ADGRB3: variants seen among roughly 807,000 people sequenced by gnomAD.
ADGRB3 encodes the protein brain-specific angiogenesis inhibitor 3.
ADGRB3 carries 37 observed loss-of-function variants against 193.4 expected under a neutral mutation model. The ratio of observed to expected loss-of-function variants is 0.19; its 90% CI spans 0.15 to 0.25. ADGRB3 has a LOEUF of 0.25. Among genes scored for constraint, ADGRB3 ranks in the 10% least tolerant of loss-of-function variants. The pLI is 1.00. For missense variants in ADGRB3, 1,637 were observed against 1,852.9 expected (o/e 0.88, Z 2.14); for synonymous variants, 690 against 644.2 (o/e 1.07, Z -1.08).
In ADGRB3 at chr6:68,908,721, C is replaced by T. The variant is rs566007565; in HGVS notation, c.758-21838C>T. On this transcript the variant is annotated intron_variant, in intron 3 of 31. Coordinates refer to ENST00000370598, the MANE Select transcript of ADGRB3 (RefSeq NM_001704.3). ...AAAACAAAGCCCTTGTTGTGACTTC[C>T]GTATTGCTATATAATTTCTATTATT... Among the ~76,000 whole-genome samples the T allele has an allele frequency of 5.9e-5, 9 of 152,116 alleles. No homozygotes were observed. The East Asian group carries it at 9.7e-4, about 16-fold the overall frequency.
At chr6:69,220,391 TA>T (rs1186743197) in intron 17 of ADGRB3, among the ~76,000 whole-genome samples, 1 of 152,158 alleles carries the variant, frequency 6.6e-6, no homozygotes, top group Non-Finnish European at 1.5e-5. Context: ...GGTCAGTTAC[TA>T]AAAATTAGCC....
intron 3 of ADGRB3, among the ~76,000 whole-genome samples, chr6:68,785,219 A>T (rs947551931): frequency 5.9e-5 from 9 of 151,950 alleles, no homozygotes; most frequent in Admixed American, 2.0e-4. Context: ...GGTTTGTTAC[A>T]TATGTATGCA....
intron 17 of ADGRB3, among the ~76,000 whole-genome samples, chr6:69,083,755 A>G (rs1007330696): frequency 6.8e-6 from 1 of 147,702 alleles, no homozygotes; most frequent in Non-Finnish European, 1.5e-5. Flanking sequence ...TTCATGAGCC[A>G]CCTAATTAAC....
chr6:69,009,376 T>C (rs1769866623), intron 11 of ADGRB3, among the ~76,000 whole-genome samples: 1 of 151,946 alleles, frequency 6.6e-6, no homozygotes, highest in Non-Finnish European at 1.5e-5. Context: ...TAAAGGATAA[T>C]AAAAGGTTGT....
chr6:69,376,282 T>C (rs533224795), intron 30 of ADGRB3, among the ~76,000 whole-genome samples: 4 of 151,682 alleles, frequency 2.6e-5, no homozygotes, highest in African/African-American at 9.7e-5. Flanking sequence ...GTTTTTTGTA[T>C]AGATGGGGTC....
rs1167142377 is a variant in ADGRB3 at position 69,149,924 on chromosome 6, C to CTGTGTGTG, written c.2480+73930_2480+73937dup. On this transcript the variant is annotated intron_variant, in intron 17 of 31. Transcript: ENST00000370598. ...TTTATCTCTCTCTCTGTCTGTCTTT[C>CTGTGTGTG]TGTGTGTGTGTGTGTGTGTGTGTGT... 5.6e-3 allele frequency among the ~76,000 whole-genome samples: 719 copies of CTGTGTGTG among 128,932 alleles called. 7 individuals are homozygous for CTGTGTGTG. The highest frequency in any genetic ancestry group is 0.011 in the African/African-American group (381 of 33,246). 84.6% of individuals were successfully genotyped at this position (128,932 alleles called of 152,430 possible).
At chr6:68,926,838 A>G (rs1767195845) in intron 3 of ADGRB3, among the ~76,000 whole-genome samples, 1 of 152,206 alleles carries the variant, frequency 6.6e-6, no homozygotes, top group South Asian at 2.1e-4. Context: ...TTGACTATCA[A>G]AAGTCAAATT....
rs1488523279 is a variant in ADGRB3 at position 68,635,799 on chromosome 6, C to G, written c.-389C>G. 1 of 153,016 alleles carries G rather than the reference C, an allele frequency of 6.5e-6. No individual in the cohort carries two copies. The highest frequency in any genetic ancestry group is 2.4e-5 in the African/African-American group (1 of 41,296). The allele number at this position is 153,016 out of a possible 1,614,324, so 9.5% of individuals were successfully genotyped here. ...GCTTTTTTTTCCTCTCTCTCATCGA[C>G]CCCCCTTTGGTTCCCACCCCCCACC... On this transcript the variant is annotated 5_prime_UTR_variant, in exon 1 of 32. Transcript: ENST00000370598.
At chr6:69,233,212 A>C in intron 17 of ADGRB3, 78 bp from the exon 18 acceptor site, 2 of 1,556,724 alleles carry the variant, frequency 1.3e-6, no homozygotes, top group Non-Finnish European at 1.7e-6. Context: ...CTCTCAATTA[A>C]ACTGCATTTT....
chr6:68,956,314 T>C (rs1231620429), intron 7 of ADGRB3, 126 bp downstream of exon 7: 9 of 991,548 alleles, frequency 9.1e-6, no homozygotes, highest in Non-Finnish European at 1.3e-5. Flanking sequence ...TGTGTGTGTG[T>C]GTGTGTGTGT....
intron 17 of ADGRB3, among the ~76,000 whole-genome samples, chr6:69,165,552 T>A (rs1308190110): frequency 2.6e-5 from 4 of 152,044 alleles, no homozygotes; most frequent in Non-Finnish European, 5.9e-5. Context: ...TGAATCTTAA[T>A]CAGCCTTCAA....
chr6:68,908,193 C>A (rs1766600975), intron 3 of ADGRB3, among the ~76,000 whole-genome samples: 1 of 151,966 alleles, frequency 6.6e-6, no homozygotes, highest in South Asian at 2.1e-4. Context: ...TTCTGCTACT[C>A]TCAAAAAGAA....
intron 31 of ADGRB3, 47 bp from the exon 32 acceptor site, chr6:69,388,631 TTCCTGGAAACTTCAACTAGCGGTGA>T (rs1770124391): frequency 2.1e-6 from 3 of 1,421,698 alleles, no homozygotes; most frequent in South Asian, 2.7e-5. Context: ...ACACGCTCTC[TTCCTGGAAACTTCAACTAGCGGTGA>T]TCCTGGTCAT....
intron 11 of ADGRB3, among the ~76,000 whole-genome samples, chr6:69,003,800 C>T (rs1214053030): frequency 1.3e-5 from 2 of 152,044 alleles, no homozygotes; most frequent in Non-Finnish European, 2.9e-5. Context: ...CTACCGTGAA[C>T]GAATCTGGAA....
intron 3 of ADGRB3, among the ~76,000 whole-genome samples, chr6:68,899,028 G>A (rs1420330411): frequency 6.6e-6 from 1 of 151,898 alleles, no homozygotes; most frequent in Non-Finnish European, 1.5e-5. Flanking sequence ...AAACAGTATG[G>A]GCTTCAGTTA....
chr6:69,118,804 G>A (rs1334793824), intron 17 of ADGRB3, among the ~76,000 whole-genome samples: 1 of 151,904 alleles, frequency 6.6e-6, no homozygotes, highest in Non-Finnish European at 1.5e-5. Flanking sequence ...TACTTTAAAT[G>A]AGTTTACCCT....
intron 17 of ADGRB3, among the ~76,000 whole-genome samples, chr6:69,172,197 C>T (rs913401903): frequency 3.3e-5 from 5 of 152,182 alleles, no homozygotes; most frequent in Non-Finnish European, 7.3e-5. Flanking sequence ...TATTTGTCTA[C>T]AACCACTGTA....
At chr6:68,796,800 C>T (rs928643701) in intron 3 of ADGRB3, among the ~76,000 whole-genome samples, 1 of 152,062 alleles carries the variant, frequency 6.6e-6, no homozygotes, top group Non-Finnish European at 1.5e-5. Context: ...ACTTCTTAGG[C>T]GCCTATTGAT....
At position 69,203,863 on chromosome 6, in the gene ADGRB3, C is replaced by T. The variant is rs1582542180; in HGVS notation, c.2481-29427C>T. On this transcript the variant is annotated intron_variant, in intron 17 of 31. Transcript: ENST00000370598. ...ATGAGTAAATCTAGTGATCCTTCTG[C>T]TCTTATGTACAGAAGCCAAGAGGTC... Among the ~76,000 whole-genome samples, 3 of 152,238 alleles carry T rather than the reference C, an allele frequency of 2.0e-5. No individual in the cohort carries two copies. The South Asian group carries it at 6.2e-4, about 32-fold the overall frequency.
Sources: gnomAD v4.1 joint callset for allele counts (sites outside exome capture counted in the v4.1 genomes callset) on GRCh38, gnomAD v4.1.1 for gene constraint, MANE v1.5 for transcripts, NCBI Gene and HGNC (gene_info 2026-07-23, HGNC 2026-07-21) for gene names.